Variants in THSD7A observed in about 807,000 individuals in gnomAD.
THSD7A encodes thrombospondin type 1 domain containing 7A.
A neutral mutation model predicts 231.3 loss-of-function variants in THSD7A; 96 were observed. The ratio of observed to expected loss-of-function variants is 0.41; its 90% CI spans 0.35 to 0.49. The LOEUF (loss-of-function observed/expected upper bound fraction) is 0.49. THSD7A is among the 20% of genes least tolerant of loss of function. The pLI is 0.05. For missense variants in THSD7A, 2,290 were observed against 2,070.2 expected (o/e 1.11, Z -2.06); for synonymous variants, 940 against 743.3 (o/e 1.26, Z -4.30).
chr7:11,676,915 A>T (rs1181904965), intron 1 of THSD7A, among the ~76,000 whole-genome samples: 3 of 152,176 alleles, frequency 2.0e-5, no homozygotes, highest in East Asian at 3.9e-4. Flanking sequence ...GGAAATACAG[A>T]GAACACCACA....
In THSD7A at chr7:11,426,658, G is replaced by A; in HGVS notation, c.3249+8C>T. On this transcript the variant is annotated splice_region_variant and intron_variant, in intron 15 of 27. Coordinates refer to ENST00000423059, the MANE Select transcript of THSD7A (RefSeq NM_015204.3). ...CTATCAAAAAGCATGAGGTTTAAGA[G>A]TTCTTACCTGTGCCTGGAGTGGTGT... 1 of 1,559,224 alleles carries A rather than the reference G, an allele frequency of 6.4e-7. No homozygotes were observed. Among genetic ancestry groups the A allele is most frequent in the Non-Finnish European group, 8.6e-7 (1 of 1,158,846 alleles).
chr7:11,506,625 T>C lies in THSD7A; in HGVS notation c.1823-24643A>G, dbSNP rs906837641. 4.6e-5 allele frequency among the ~76,000 whole-genome samples: 7 copies of C among 152,348 alleles called. No individual in the cohort carries two copies. In the East Asian group the frequency reaches 1.2e-3, roughly 25 times the overall value. On this transcript the variant is annotated intron_variant, in intron 6 of 27. Coordinates refer to ENST00000423059, the MANE Select transcript of THSD7A (RefSeq NM_015204.3). ...AAAAGGCCCTGTATGATCTGCTTCTTGGCTCCCTCTACTCTTCTCATTCTC... is the reference window on the plus strand; with the variant it reads ...AAAAGGCCCTGTATGATCTGCTTCTCGGCTCCCTCTACTCTTCTCATTCTC...
intron 2 of THSD7A, among the ~76,000 whole-genome samples, chr7:11,605,516 G>A (rs973381744): frequency 1.3e-5 from 2 of 152,060 alleles, no homozygotes; most frequent in Non-Finnish European, 2.9e-5. Context: ...CCCGCTCCAT[G>A]CTACAAATCA....
intron 11 of THSD7A, among the ~76,000 whole-genome samples, chr7:11,455,969 T>G (rs910229173): frequency 1.3e-5 from 2 of 152,008 alleles, no homozygotes; most frequent in Non-Finnish European, 2.9e-5. Context: ...AAAGGCCACT[T>G]TATTTTATTG....
chr7:11,624,497 A>G (rs1455682161), intron 2 of THSD7A, among the ~76,000 whole-genome samples: 2 of 152,112 alleles, frequency 1.3e-5, no homozygotes. Flanking sequence ...GATTTTTTAA[A>G]AATGAGGTTT....
intron 2 of THSD7A, among the ~76,000 whole-genome samples, chr7:11,600,119 A>G (rs1442368258): frequency 1.3e-5 from 2 of 152,062 alleles, no homozygotes; most frequent in Non-Finnish European, 2.9e-5. Context: ...AAACTCATAT[A>G]TATGGCCTAT....
intron 6 of THSD7A, among the ~76,000 whole-genome samples, chr7:11,518,613 ACACACACG>A (rs957185717): frequency 6.6e-6 from 1 of 151,730 alleles, no homozygotes; most frequent in Non-Finnish European, 1.5e-5. Flanking sequence ...ACACACACAC[ACACACACG>A]CACACACAGG....
chr7:11,644,954 T>C (rs1188559958), intron 1 of THSD7A, among the ~76,000 whole-genome samples: 1 of 151,930 alleles, frequency 6.6e-6, no homozygotes, highest in Non-Finnish European at 1.5e-5. Flanking sequence ...TCTTCATGTA[T>C]CAGTGACAAC....
rs369370186 is a variant in THSD7A, at chr7:11,593,347, C to G, written c.1178G>C (p.Arg393Thr). ...AGTRVRTRTI[R>T]QFPIGSEKEC... is the part of the protein sequence containing the mutation. ...CTTTTCACTGCCAATGGGAAACTGC[C>G]TGATGGTTCGTGTCCTTACACGAGT... The change falls in exon 3 of 28, where the codon AGG becomes ACG. Residue 393 changes from arginine (R) to threonine (T), a missense_variant. Transcript: ENST00000423059. The G allele has an allele frequency of 1.9e-6, 3 of 1,613,890 alleles. No individual in the cohort carries two copies. The African/African-American group carries it at 4.0e-5, about 22-fold the overall frequency.
In THSD7A at chr7:11,603,282, C is replaced by G. The variant is rs1408242715; in HGVS notation, c.1023-9780G>C. On this transcript the variant is annotated intron_variant, in intron 2 of 27. Coordinates refer to ENST00000423059, the MANE Select transcript of THSD7A (RefSeq NM_015204.3). ...GCCAAAAAACACATGAAAAAATGCT[C>G]ATCATCACTGGCCATCAGAGAAATG... Among the ~76,000 whole-genome samples the G allele has an allele frequency of 2.0e-5, 3 of 150,364 alleles. No individual in the cohort carries two copies. In the East Asian group the frequency reaches 5.9e-4, roughly 30 times the overall value.
At chr7:11,511,385 T>A (rs2128313465) in intron 6 of THSD7A, among the ~76,000 whole-genome samples, 1 of 152,232 alleles carries the variant, frequency 6.6e-6, no homozygotes, top group Non-Finnish European at 1.5e-5. Context: ...TTCAATGCCA[T>A]CCCCATCAAA....
At chr7:11,543,211 C>A in intron 4 of THSD7A, 94 bp from the exon 5 acceptor site, 1 of 1,159,198 alleles carries the variant, frequency 8.6e-7, no homozygotes, top group South Asian at 1.6e-5. Context: ...AAAGGAAAAT[C>A]CTTAAAGAAG....
intron 4 of THSD7A, among the ~76,000 whole-genome samples, chr7:11,546,912 A>G (rs1168501038): frequency 6.6e-6 from 1 of 152,224 alleles, no homozygotes; most frequent in Non-Finnish European, 1.5e-5. Flanking sequence ...TCATAACACA[A>G]TTGAAAGTAT....
chr7:11,437,773 T>C (rs1784680669), intron 13 of THSD7A, among the ~76,000 whole-genome samples: 1 of 152,096 alleles, frequency 6.6e-6, no homozygotes, highest in African/African-American at 2.4e-5. Flanking sequence ...ATTTTGTTTC[T>C]AATTAACCTC....
At chr7:11,808,269 G>A (rs1160850850) in intron 1 of THSD7A, among the ~76,000 whole-genome samples, 2 of 152,130 alleles carry the variant, frequency 1.3e-5, no homozygotes, top group Admixed American at 6.6e-5. Context: ...GGCTCATGAG[G>A]ACTTCTCCCT....
chr7:11,486,261 C>T (rs1786652378), intron 6 of THSD7A, among the ~76,000 whole-genome samples: 1 of 151,634 alleles, frequency 6.6e-6, no homozygotes, highest in African/African-American at 2.4e-5. Flanking sequence ...TGGATTGATA[C>T]ACTTTATTTT....
At chr7:11,740,095 C>G (rs187290103) in intron 1 of THSD7A, among the ~76,000 whole-genome samples, 1 of 151,932 alleles carries the variant, frequency 6.6e-6, no homozygotes, top group Non-Finnish European at 1.5e-5. Flanking sequence ...GGACACATAA[C>G]TCTCCTACAA....
intron 1 of THSD7A, among the ~76,000 whole-genome samples, chr7:11,666,744 T>A (rs528081182): frequency 6.6e-6 from 1 of 151,200 alleles, no homozygotes; most frequent in Non-Finnish European, 1.5e-5. Flanking sequence ...TATTTATACA[T>A]GTTATAAAAC....
At chr7:11,688,793 G>A (rs1428241194) in intron 1 of THSD7A, among the ~76,000 whole-genome samples, 1 of 151,760 alleles carries the variant, frequency 6.6e-6, no homozygotes, top group African/African-American at 2.4e-5. Context: ...TTGTTGGGCT[G>A]CATTTCATCA....
Sources: gnomAD v4.1 joint callset for allele counts (sites outside exome capture counted in the v4.1 genomes callset) on GRCh38, gnomAD v4.1.1 for gene constraint, MANE v1.5 for transcripts, NCBI Gene and HGNC (gene_info 2026-07-23, HGNC 2026-07-21) for gene names.